The following PHF8 variants were observed in gnomAD, a reference collection of about 807,000 sequenced individuals.
The protein encoded by PHF8 is histone lysine demethylase PHF8.
A neutral mutation model predicts 74.4 loss-of-function variants in PHF8; 9 were observed. The observed-to-expected ratio is 0.12, with a 90% confidence interval of 0.07 to 0.21. The LOEUF (loss-of-function observed/expected upper bound fraction) is 0.21. Among genes scored for constraint, PHF8 ranks in the 10% least tolerant of loss-of-function variants. PHF8 has a pLI of 1.00. For missense variants in PHF8, 478 were observed against 816.6 expected (o/e 0.59, Z 5.05); for synonymous variants, 311 against 316.6 (o/e 0.98, Z 0.19).
intron 2 of PHF8, among the ~76,000 whole-genome samples, chrX:54,029,524 T>G (rs2066320277): frequency 8.9e-6 from 1 of 112,355 alleles, no homozygotes; most frequent in Non-Finnish European, 1.9e-5. Context: ...AAAAGCTTTT[T>G]CCTTTCTTCC....
Position 53,984,927 on chromosome X carries a change from C to T in PHF8, c.2430G>A (p.Lys810=). 1.7e-6 allele frequency: 2 copies of T among 1,210,068 alleles called. No individual in the cohort carries two copies. The highest frequency in any genetic ancestry group is 2.2e-6 in the Non-Finnish European group (2 of 894,111). Reference sequence around the variant, plus strand: ...AGCTGCCCTTACTATACTCTGCATCCTTGAAGCACGCTCCCAAGCTGTCCT... The same window carrying T: ...AGCTGCCCTTACTATACTCTGCATCTTTGAAGCACGCTCCCAAGCTGTCCT... ...DEQDSLGACF[K]DAEYIYPSLE... The change falls in exon 18 of 22, where the codon AAG becomes AAA. Residue 810 remains lysine, a synonymous_variant. Transcript: ENST00000338154.
At chrX:54,004,710 C>T in intron 8 of PHF8, among the ~76,000 whole-genome samples, 1 of 110,768 alleles carries the variant, frequency 9.0e-6, no homozygotes, top group Non-Finnish European at 1.9e-5. Context: ...GTGGGTATAT[C>T]ACGAGGTCAG....
chrX:53,945,717 T>C (rs2064823994), intron 19 of PHF8, among the ~76,000 whole-genome samples: 1 of 110,437 alleles, frequency 9.1e-6, no homozygotes, highest in African/African-American at 3.3e-5. Flanking sequence ...TATGCTTTCA[T>C]CCTCAAAATC....
chrX:53,941,967 T>C (rs1315311870), intron 20 of PHF8, among the ~76,000 whole-genome samples: 8 of 111,478 alleles, frequency 7.2e-5, no homozygotes, highest in African/African-American at 2.3e-4. Context: ...GGAACTGCAT[T>C]TCTGTCCCTT....
Position 53,938,982 on chromosome X carries a change from G to A in PHF8, c.*176C>T. 9.9e-7 allele frequency: 1 copy of A among 1,014,982 alleles called. No individual in the cohort carries two copies. Among genetic ancestry groups the A allele is most frequent in the Non-Finnish European group, 1.3e-6 (1 of 799,577 alleles). 83.6% of individuals were successfully genotyped at this position (1,014,982 alleles called of 1,213,427 possible). ...CAGGCAGGATGCTCTAGTGAAAGTG[G>A]GGAAGGGAACTAGAAGGAGTCGGTG... On this transcript the variant is annotated 3_prime_UTR_variant, in exon 22 of 22. Transcript: ENST00000338154.
intron 18 of PHF8, among the ~76,000 whole-genome samples, chrX:53,976,881 C>T (rs1406263594): frequency 1.8e-5 from 2 of 111,597 alleles, no homozygotes; most frequent in African/African-American, 6.5e-5. Context: ...ATGAAATGGA[C>T]CAATTCCTTG....
At chrX:53,994,514 G>A (rs2065717432) in intron 12 of PHF8, among the ~76,000 whole-genome samples, 1 of 112,603 alleles carries the variant, frequency 8.9e-6, no homozygotes, top group African/African-American at 3.2e-5. Flanking sequence ...TTCCACCTAA[G>A]ATGTCATTTT....
intron 18 of PHF8, among the ~76,000 whole-genome samples, chrX:53,966,933 G>A (rs1249854929): frequency 9.2e-6 from 1 of 108,672 alleles, no homozygotes; most frequent in Admixed American, 9.6e-5. Flanking sequence ...GACCCCGTCT[G>A]GGAGGTGAGG....
intron 2 of PHF8, among the ~76,000 whole-genome samples, chrX:54,032,289 A>G (rs1367361194): frequency 2.7e-5 from 3 of 111,158 alleles, no homozygotes; most frequent in African/African-American, 9.8e-5. Context: ...CAGTTCCTAG[A>G]TAATGCTGAT....
At chrX:54,009,844 GAAAAAAAA>G (rs782363250) in intron 8 of PHF8, among the ~76,000 whole-genome samples, 4 of 9,388 alleles carry the variant, frequency 4.3e-4, no homozygotes, top group Non-Finnish European at 9.1e-4. Flanking sequence ...CTCTGTCTCA[GAAAAAAAA>G]AAAAAAAAAA....
rs2146472787 is a variant in PHF8 at position 54,027,130 on chromosome X, CAA to C, written c.99-4289_99-4288del. Among the ~76,000 whole-genome samples the C allele has an allele frequency of 3.6e-5, 4 of 110,685 alleles. No individual in the cohort carries two copies. The South Asian group carries it at 1.5e-3, about 42-fold the overall frequency. ...TCACATGTTTTCTTACCTTCTCAAT[CAA>C]TTATTCCTTCTTTCTGCAGTATCTT... On this transcript the variant is annotated intron_variant, in intron 2 of 21. Coordinates refer to ENST00000338154, the MANE Select transcript of PHF8 (RefSeq NM_015107.3).
Position 53,938,978 on chromosome X carries a change from A to AGTGGGGAAGGGAACTAGAAGGAGTCG in PHF8, c.*154_*179dup, listed in dbSNP as rs2064708360. On this transcript the variant is annotated 3_prime_UTR_variant, in exon 22 of 22. Transcript: ENST00000338154. Reference sequence around the variant, plus strand: ...AAGGCAGGCAGGATGCTCTAGTGAAAGTGGGGAAGGGAACTAGAAGGAGTC... The same window carrying AGTGGGGAAGGGAACTAGAAGGAGTCG: ...AAGGCAGGCAGGATGCTCTAGTGAAAGTGGGGAAGGGAACTAGAAGGAGTCGGTGGGGAAGGGAACTAGAAGGAGTC... 1 of 1,010,971 alleles carries AGTGGGGAAGGGAACTAGAAGGAGTCG rather than the reference A, an allele frequency of 9.9e-7. No homozygotes were observed. Among genetic ancestry groups the AGTGGGGAAGGGAACTAGAAGGAGTCG allele is most frequent in the East Asian group, 3.7e-5 (1 of 26,957 alleles). 83.3% of individuals were successfully genotyped at this position (1,010,971 alleles called of 1,213,427 possible).
chrX:53,951,721 G>A (rs1293638197), intron 19 of PHF8, among the ~76,000 whole-genome samples: 1 of 110,346 alleles, frequency 9.1e-6, no homozygotes, highest in African/African-American at 3.3e-5. Flanking sequence ...CAAAGTGCTG[G>A]GATTATAGGC....
At chrX:54,026,654 G>A (rs2066273022) in intron 2 of PHF8, among the ~76,000 whole-genome samples, 1 of 110,760 alleles carries the variant, frequency 9.0e-6, no homozygotes, top group Non-Finnish European at 1.9e-5. Flanking sequence ...GGAGAGCAGT[G>A]GTGCCAATCA....
Position 53,987,748 on chromosome X carries a change from G to T in PHF8, c.1909+18C>A. ...AAAAAAACGGGCAGGGGAGGAAAAA[G>T]AAAGAACAGACACACACTTGGTCTT... is the stretch of plus-strand genomic sequence containing the variant. On this transcript the variant is annotated intron_variant, in intron 15 of 21. Coordinates refer to ENST00000338154, the MANE Select transcript of PHF8 (RefSeq NM_015107.3). The T allele has an allele frequency of 8.6e-7, 1 of 1,163,545 alleles. No homozygotes were observed. The highest frequency in any genetic ancestry group is 1.2e-6 in the Non-Finnish European group (1 of 862,640).
rs905097020 is a variant in PHF8, at chrX:54,002,149, C to T, written c.1141+6G>A. The T allele has an allele frequency of 1.3e-5, 14 of 1,118,033 alleles. No homozygotes were observed. Among genetic ancestry groups the T allele is most frequent in the Non-Finnish European group, 1.7e-5 (14 of 810,635 alleles). The allele number at this position is 1,118,033 out of a possible 1,213,427, so 92.1% of individuals were successfully genotyped here. Reference sequence around the variant, plus strand: ...CAAAAAGGACAGTTGGCAAAGGGCTCCATACCGCGAAAGATGTCCAGGATG... The same window carrying T: ...CAAAAAGGACAGTTGGCAAAGGGCTTCATACCGCGAAAGATGTCCAGGATG... On this transcript the variant is annotated splice_donor_region_variant and intron_variant, in intron 10 of 21. Transcript: ENST00000338154.
intron 18 of PHF8, among the ~76,000 whole-genome samples, chrX:53,981,509 CTG>C (rs2065479113): frequency 9.0e-6 from 1 of 111,011 alleles, no homozygotes; most frequent in African/African-American, 3.3e-5. Flanking sequence ...ACATTTCCCT[CTG>C]TTTTTTTTTT....
At chrX:53,998,699 C>T (rs1245960447) in intron 11 of PHF8, among the ~76,000 whole-genome samples, 1 of 111,328 alleles carries the variant, frequency 9.0e-6, no homozygotes, top group Admixed American at 9.6e-5. Flanking sequence ...CGGTTGTGCA[C>T]CTTGACAAAT....
chrX:53,949,538 C>T (rs1041155107), intron 19 of PHF8, among the ~76,000 whole-genome samples: 1 of 109,189 alleles, frequency 9.2e-6, no homozygotes, highest in Admixed American at 9.8e-5. Context: ...GTTGGCCGGG[C>T]GCTGTGGCTC....
Sources: gnomAD v4.1 joint callset for allele counts (sites outside exome capture counted in the v4.1 genomes callset) on GRCh38, gnomAD v4.1.1 for gene constraint, MANE v1.5 for transcripts, NCBI Gene and HGNC (gene_info 2026-07-23, HGNC 2026-07-21) for gene names.